Variants in DRC8 observed in about 807,000 individuals in gnomAD.
The protein encoded by DRC8 is dynein regulatory complex subunit 8.
the DRC8 span, among the ~76,000 whole-genome samples, chr1:245,068,200 A>G: frequency 6.6e-6 from 1 of 152,222 alleles, no homozygotes; most frequent in Non-Finnish European, 1.5e-5. Context: ...TTATTAGATA[A>G]ATAAAACGTG....
chr1:245,120,428 C>T, the DRC8 span, among the ~76,000 whole-genome samples: 1 of 152,170 alleles, frequency 6.6e-6, no homozygotes. Context: ...GTTCCCTTCT[C>T]AAGAATATGG....
the DRC8 span, among the ~76,000 whole-genome samples, chr1:245,042,475 T>C: frequency 6.6e-6 from 1 of 152,266 alleles, no homozygotes; most frequent in East Asian, 1.9e-4. Flanking sequence ...TCGTCATTAT[T>C]TTACCTTCAT....
the DRC8 span, among the ~76,000 whole-genome samples, chr1:245,043,437 G>GAAAA: frequency 7.4e-6 from 1 of 134,420 alleles, no homozygotes; most frequent in Non-Finnish European, 1.6e-5. Context: ...TGTCTCAAAG[G>GAAAA]AAAAAAAAAA....
At chr1:245,077,067 C>A in the DRC8 span, among the ~76,000 whole-genome samples, 2 of 152,046 alleles carry the variant, frequency 1.3e-5, no homozygotes, top group Non-Finnish European at 2.9e-5. Context: ...CAAACTTGAT[C>A]AGACTTCTGC....
chr1:245,067,905 G>C, the DRC8 span, among the ~76,000 whole-genome samples: 1 of 152,188 alleles, frequency 6.6e-6, no homozygotes, highest in Non-Finnish European at 1.5e-5. Flanking sequence ...TTTGGGAGAT[G>C]GGGGAGAATG....
the DRC8 span, among the ~76,000 whole-genome samples, chr1:244,990,229 A>T: frequency 6.6e-6 from 1 of 152,240 alleles, no homozygotes; most frequent in Non-Finnish European, 1.5e-5. Flanking sequence ...GACAAGACGC[A>T]TGAGTACAGT....
At chr1:245,078,119 G>A in the DRC8 span, among the ~76,000 whole-genome samples, 1 of 152,052 alleles carries the variant, frequency 6.6e-6, no homozygotes, top group African/African-American at 2.4e-5. Flanking sequence ...GTTCATCAAG[G>A]AAATGCAAAC....
the DRC8 span, among the ~76,000 whole-genome samples, chr1:245,016,367 ACT>A: frequency 6.6e-6 from 1 of 150,612 alleles, no homozygotes; most frequent in Admixed American, 6.6e-5. Context: ...CTGCCTGAAA[ACT>A]CTGCAGTTGT....
the DRC8 span, among the ~76,000 whole-genome samples, chr1:244,983,433 T>G: frequency 5.9e-5 from 9 of 152,244 alleles, no homozygotes; most frequent in Admixed American, 5.9e-4. Context: ...AAAGTAATTG[T>G]GGTTTTTGCT....
chr1:244,987,908 C>A, the DRC8 span, among the ~76,000 whole-genome samples: 1 of 152,064 alleles, frequency 6.6e-6, no homozygotes, highest in Non-Finnish European at 1.5e-5. Context: ...AACTCAGCTG[C>A]ACTATTTGTT....
chr1:245,008,593 C>T, the DRC8 span, among the ~76,000 whole-genome samples: 1 of 151,788 alleles, frequency 6.6e-6, no homozygotes, highest in African/African-American at 2.4e-5. Flanking sequence ...AAGCATTTTT[C>T]CCAACCATTA....
the DRC8 span, among the ~76,000 whole-genome samples, chr1:245,089,006 A>C: frequency 6.6e-6 from 1 of 152,194 alleles, no homozygotes; most frequent in Non-Finnish European, 1.5e-5. This position sits in a 1 kb window ranked among gnomAD's most constrained non-coding sequence, Gnocchi z 4.8. Flanking sequence ...CTTTATTCTG[A>C]AGATCACAGA....
chr1:245,114,761 C>T, the DRC8 span, among the ~76,000 whole-genome samples: 2 of 152,192 alleles, frequency 1.3e-5, no homozygotes, highest in South Asian at 2.1e-4. Flanking sequence ...CAGAGTCTTG[C>T]TCTGTTGCCC....
At chr1:244,987,091 T>G in the DRC8 span, among the ~76,000 whole-genome samples, 1 of 152,230 alleles carries the variant, frequency 6.6e-6, no homozygotes, top group South Asian at 2.1e-4. Flanking sequence ...CTGGTCTGTT[T>G]TCCTTTTAAG....
At chr1:244,972,968 G>C in the DRC8 span, among the ~76,000 whole-genome samples, 1 of 152,178 alleles carries the variant, frequency 6.6e-6, no homozygotes. Context: ...AAACTAAGTA[G>C]AGACTCATTT....
the DRC8 span, among the ~76,000 whole-genome samples, chr1:245,063,810 C>T: frequency 3.3e-5 from 5 of 152,288 alleles, no homozygotes; most frequent in East Asian, 9.7e-4. Flanking sequence ...CAACCTCTGC[C>T]TCCTGGCTTC....
chr1:244,978,954 A>G, the DRC8 span, among the ~76,000 whole-genome samples: 102,934 of 151,990 alleles, frequency 0.68, 36,298 homozygotes, highest in East Asian at 1. Flanking sequence ...GAAGATAGGC[A>G]GCTAAGGAGA....
chr1:245,093,908 T>C, the DRC8 span, among the ~76,000 whole-genome samples: 1 of 152,140 alleles, frequency 6.6e-6, no homozygotes, highest in African/African-American at 2.4e-5. Flanking sequence ...CAGCTATTAG[T>C]AAGAAATCTC....
chr1:245,045,098 C>T, the DRC8 span, among the ~76,000 whole-genome samples: 1 of 152,200 alleles, frequency 6.6e-6, no homozygotes, highest in Non-Finnish European at 1.5e-5. Context: ...CAGCTTCAAC[C>T]TCACCTGCTC....
Sources: allele counts gnomAD v4.1 joint callset (sites outside exome capture counted in the v4.1 genomes callset), GRCh38; gene constraint gnomAD v4.1.1; non-coding constraint Gnocchi (gnomAD v3.1); transcripts MANE v1.5; gene names NCBI Gene and HGNC (gene_info 2026-07-23, HGNC 2026-07-21).